Variants in CSGALNACT1 observed in about 807,000 individuals in gnomAD.
CSGALNACT1 encodes the protein beta4GalNAcT-1.
Under a neutral mutation model 51.0 loss-of-function variants are expected in CSGALNACT1, and 52 were observed. The observed-to-expected ratio is 1.02, with a 90% confidence interval of 0.82 to 1.29. The LOEUF is 1.29. Among genes scored for constraint, CSGALNACT1 ranks in the 50% most tolerant of loss-of-function variants. CSGALNACT1 has a pLI of 0.00. For missense variants in CSGALNACT1, 935 were observed against 679.2 expected (o/e 1.38, Z -4.19); for synonymous variants, 341 against 254.4 (o/e 1.34, Z -3.24).
At chr8:19,744,087 A>C (rs947510186) in intron 1 of CSGALNACT1, among the ~76,000 whole-genome samples, 1 of 152,172 alleles carries the variant, frequency 6.6e-6, no homozygotes, top group Non-Finnish European at 1.5e-5. Context: ...GAGAAAAAAA[A>C]CTCTTTAATA....
upstream of CSGALNACT1, among the ~76,000 whole-genome samples, chr8:19,685,697 G>A (rs2060934397): frequency 6.6e-6 from 1 of 152,094 alleles, no homozygotes; most frequent in African/African-American, 2.4e-5. Context: ...ATGGAACGAT[G>A]GTCCCTCCCT....
intron 8 of CSGALNACT1, among the ~76,000 whole-genome samples, chr8:19,412,781 GAGA>G (rs1554505994): frequency 4.6e-5 from 7 of 151,904 alleles, no homozygotes; most frequent in Non-Finnish European, 1.0e-4. Flanking sequence ...GGCCTGGGAG[GAGA>G]AGACTCCCTG....
chr8:19,703,526 A>T (rs778783460), intron 1 of CSGALNACT1, among the ~76,000 whole-genome samples: 3 of 152,072 alleles, frequency 2.0e-5, no homozygotes. Context: ...GATGGTCTTG[A>T]TCTCCTGACC....
At chr8:19,630,194 CTGTGTGTGTGTGTGTG>C (rs55947851) in intron 1 of CSGALNACT1, among the ~76,000 whole-genome samples, 3,740 of 137,874 alleles carry the variant, frequency 0.027, 160 homozygotes, top group African/African-American at 0.089. Context: ...TCCCACGTCT[CTGTGTGTGTGTGTGTG>C]TGTGTGTGTG....
At chr8:19,593,177 T>G (rs946235173) in intron 2 of CSGALNACT1, among the ~76,000 whole-genome samples, 6 of 152,156 alleles carry the variant, frequency 3.9e-5, no homozygotes, top group African/African-American at 1.4e-4. Context: ...CAGAAATACG[T>G]GGGCTTAATG....
At chr8:19,670,505 G>C (rs551257528) in intron 1 of CSGALNACT1, among the ~76,000 whole-genome samples, 2 of 151,278 alleles carry the variant, frequency 1.3e-5, no homozygotes, top group East Asian at 3.9e-4. Flanking sequence ...TAAGGTGCTG[G>C]AATCACTGCC....
At chr8:19,752,366 C>G (rs1308118716) in intron 1 of CSGALNACT1, among the ~76,000 whole-genome samples, 1 of 152,072 alleles carries the variant, frequency 6.6e-6, no homozygotes, top group African/African-American at 2.4e-5. Context: ...GTTGACCAGG[C>G]TGAGCACCCG....
intron 5 of CSGALNACT1, among the ~76,000 whole-genome samples, chr8:19,441,683 C>T (rs2061355047): frequency 1.3e-5 from 2 of 152,064 alleles, no homozygotes; most frequent in South Asian, 2.1e-4. Flanking sequence ...TCTAAAACAC[C>T]AAAAGCAATG....
chr8:19,728,135 T>C (rs1206287700), intron 1 of CSGALNACT1, among the ~76,000 whole-genome samples: 1 of 152,174 alleles, frequency 6.6e-6, no homozygotes, highest in Non-Finnish European at 1.5e-5. Context: ...GCAAGTCATT[T>C]AGACATTCGG....
At chr8:19,725,344 C>T (rs1356637301) in intron 1 of CSGALNACT1, among the ~76,000 whole-genome samples, 2 of 152,066 alleles carry the variant, frequency 1.3e-5, no homozygotes, top group Non-Finnish European at 2.9e-5. Context: ...TGGAAAGTAG[C>T]TTGGTAAATA....
chr8:19,608,415 T>C (rs192036068), intron 1 of CSGALNACT1, among the ~76,000 whole-genome samples: 3 of 152,296 alleles, frequency 2.0e-5, no homozygotes, highest in Non-Finnish European at 2.9e-5. Flanking sequence ...GTGTGACCCT[T>C]GAGCAAGTCA....
intron 4 of CSGALNACT1, among the ~76,000 whole-genome samples, chr8:19,469,640 C>A (rs13275706): frequency 2.6e-5 from 4 of 151,930 alleles, no homozygotes; most frequent in African/African-American, 7.3e-5. Context: ...GACACTTCCC[C>A]AGGTCTGGCA....
At chr8:19,479,275 C>T (rs1393125525) in intron 4 of CSGALNACT1, among the ~76,000 whole-genome samples, 5 of 152,258 alleles carry the variant, frequency 3.3e-5, no homozygotes, top group African/African-American at 1.2e-4. Context: ...ATCTCAACGG[C>T]CACAGCTATA....
chr8:19,516,665 G>A (rs568122395), intron 3 of CSGALNACT1, among the ~76,000 whole-genome samples: 24 of 152,194 alleles, frequency 1.6e-4, no homozygotes, highest in African/African-American at 4.1e-4. Context: ...GAATATCTTC[G>A]CAACATTCAA....
intron 3 of CSGALNACT1, among the ~76,000 whole-genome samples, chr8:19,571,550 G>A (rs2043041973): frequency 6.6e-6 from 1 of 151,042 alleles, no homozygotes; most frequent in Non-Finnish European, 1.5e-5. Flanking sequence ...GGCTAATACG[G>A]CATTTATACT....
At chr8:19,666,790 A>G (rs1357384599) in intron 1 of CSGALNACT1, among the ~76,000 whole-genome samples, 3 of 18,986 alleles carry the variant, frequency 1.6e-4, no homozygotes, top group African/African-American at 9.2e-4. Context: ...AAAGAAAGAA[A>G]GAAAGAAAGA....
At chr8:19,578,941 G>T (rs1232157435) in intron 3 of CSGALNACT1, among the ~76,000 whole-genome samples, 1 of 152,028 alleles carries the variant, frequency 6.6e-6, no homozygotes, top group African/African-American at 2.4e-5. Flanking sequence ...CGTTGACCAC[G>T]CTGGTCTCAA....
chr8:19,699,758 A>T (rs1373260680), intron 1 of CSGALNACT1, among the ~76,000 whole-genome samples: 1 of 152,214 alleles, frequency 6.6e-6, no homozygotes. Context: ...ACTGAATTGT[A>T]CACTTAAACA....
chr8:19,720,947 C>T (rs1044004737), intron 1 of CSGALNACT1, among the ~76,000 whole-genome samples: 1 of 152,224 alleles, frequency 6.6e-6, no homozygotes, highest in African/African-American at 2.4e-5. Flanking sequence ...CCTCAGATCT[C>T]ATCTCCTATA....
Sources: gnomAD v4.1 joint callset for allele counts (sites outside exome capture counted in the v4.1 genomes callset) on GRCh38, gnomAD v4.1.1 for gene constraint, MANE v1.5 for transcripts, NCBI Gene and HGNC (gene_info 2026-07-23, HGNC 2026-07-21) for gene names.